PCBP3: variants seen among roughly 807,000 people sequenced by gnomAD.
PCBP3 encodes poly(rC)-binding protein 3.
In PCBP3, 25 loss-of-function variants were observed where a neutral mutation model predicts 52.7. That is an observed-to-expected ratio of 0.47 (90% CI 0.35 to 0.66). The LOEUF is 0.66. Ranked by LOEUF, PCBP3 falls within the 30% of genes least tolerant of loss-of-function variation. PCBP3 has a pLI of 0.01. For synonymous variants in PCBP3, 162 were observed against 183.0 expected (o/e 0.89, Z 0.93); for missense variants, 391 against 490.3 (o/e 0.80, Z 1.91).
chr21:45,857,616 C>G (rs1410806200), intron 5 of PCBP3, among the ~76,000 whole-genome samples: 1 of 152,190 alleles, frequency 6.6e-6, no homozygotes, highest in African/African-American at 2.4e-5. Flanking sequence ...AAGCAGAGCA[C>G]ACCTCACTAT....
At chr21:45,693,518 C>T (rs2147834085) in intron 2 of PCBP3, among the ~76,000 whole-genome samples, 2 of 152,192 alleles carry the variant, frequency 1.3e-5, no homozygotes, top group Middle Eastern at 6.8e-3. Flanking sequence ...TGTTAAAACT[C>T]ATCAAATTGT....
intron 4 of PCBP3, among the ~76,000 whole-genome samples, chr21:45,773,016 A>T (rs2089995433): frequency 6.6e-6 from 1 of 152,160 alleles, no homozygotes; most frequent in Non-Finnish European, 1.5e-5. Context: ...TTTTCTCCCT[A>T]TTCAACAGGT....
chr21:45,683,135 A>G (rs772666212), intron 2 of PCBP3, among the ~76,000 whole-genome samples: 1 of 152,150 alleles, frequency 6.6e-6, no homozygotes, highest in Non-Finnish European at 1.5e-5. Context: ...GAAGGAGGGA[A>G]CAATGACCTG....
At position 45,830,858 on chromosome 21, in the gene PCBP3, C is replaced by CGAGAGTGACG. The variant is rs2147737380; in HGVS notation, c.-125-19102_-125-19093dup. The CGAGAGTGACG allele has an allele frequency of 6.6e-6, 1 of 152,354 alleles. No homozygotes were observed. Among genetic ancestry groups the CGAGAGTGACG allele is most frequent in the South Asian group, 2.1e-4 (1 of 4,822 alleles). The allele number at this position is 152,354 out of a possible 1,614,324, so 9.4% of individuals were successfully genotyped here. Reference sequence around the variant, plus strand: ...AGGCCTTCCCAGAAAGGCGGGGAATCGAGAGTGACGTAGTCACCCTCCACC... The same window carrying CGAGAGTGACG: ...AGGCCTTCCCAGAAAGGCGGGGAATCGAGAGTGACGGAGAGTGACGTAGTCACCCTCCACC... On this transcript the variant is annotated intron_variant, in intron 4 of 17. Coordinates refer to ENST00000681687, the MANE Select transcript of PCBP3 (RefSeq NM_001384156.1). The surrounding 1 kb of genome is among the most constrained non-coding windows in gnomAD (Gnocchi z 4.4).
chr21:45,799,855 C>T (rs868609731), intron 4 of PCBP3, among the ~76,000 whole-genome samples: 1 of 152,228 alleles, frequency 6.6e-6, no homozygotes, highest in Non-Finnish European at 1.5e-5. Flanking sequence ...AAATAATGAG[C>T]TGAGAACAAG....
chr21:45,703,502 C>T (rs78874553), intron 2 of PCBP3, among the ~76,000 whole-genome samples: 3,999 of 152,264 alleles, frequency 0.026, 189 homozygotes, highest in African/African-American at 0.091. Context: ...TTGAGAGGAA[C>T]CTTTTTCTGG....
chr21:45,862,190 T>TGGGG (rs2094537477), intron 5 of PCBP3, among the ~76,000 whole-genome samples: 1 of 46,644 alleles, frequency 2.1e-5, no homozygotes, highest in Non-Finnish European at 4.2e-5. Context: ...TTGGGGCGGG[T>TGGGG]GGGGGGACAC....
chr21:45,791,661 T>C lies in PCBP3; in HGVS notation c.-126+36209T>C, dbSNP rs577679442. Among the ~76,000 whole-genome samples the C allele has an allele frequency of 2.0e-5, 3 of 152,330 alleles. No homozygotes were observed. In the South Asian group the frequency reaches 6.2e-4, roughly 32 times the overall value. On this transcript the variant is annotated intron_variant, in intron 4 of 17. Coordinates refer to ENST00000681687, the MANE Select transcript of PCBP3 (RefSeq NM_001384156.1). This position sits in a 1 kb window ranked among gnomAD's most constrained non-coding sequence, Gnocchi z 4.2. ...AGTCATAAGTTAATTTCTGTCGAAG[T>C]AGAATACAACTAAGAAAAAATTTTA...
chr21:45,913,168 G>A (rs11089030), intron 11 of PCBP3, among the ~76,000 whole-genome samples: 46,219 of 152,188 alleles, frequency 0.3, 8,513 homozygotes, highest in East Asian at 0.67. Flanking sequence ...AGGAGAAGGA[G>A]GGCAGGCTAA....
Position 45,892,398 on chromosome 21 carries a change from C to T in PCBP3, c.11-3810C>T, listed in dbSNP as rs2095689480. Among the ~76,000 whole-genome samples the T allele has an allele frequency of 1.4e-5, 2 of 148,076 alleles. 1 individual carries two copies. The highest frequency in any genetic ancestry group is 4.2e-4 in the South Asian group (2 of 4,792). Reference sequence around the variant, plus strand: ...TCGTGCAGAACAAGGAAACAGAGTGCATTAGTCCCTGGCCTGAGAAAGGGG... The same window carrying T: ...TCGTGCAGAACAAGGAAACAGAGTGTATTAGTCCCTGGCCTGAGAAAGGGG... On this transcript the variant is annotated intron_variant, in intron 5 of 17. Coordinates refer to ENST00000681687, the MANE Select transcript of PCBP3 (RefSeq NM_001384156.1).
In PCBP3 at chr21:45,706,362, C is replaced by T. The variant is rs192918418; in HGVS notation, c.-199-29030C>T. Among the ~76,000 whole-genome samples, 184 of 152,250 alleles carry T rather than the reference C, an allele frequency of 1.2e-3. 1 individual carries two copies. The highest frequency in any genetic ancestry group is 3.4e-3 in the Middle Eastern group (1 of 294). On this transcript the variant is annotated intron_variant, in intron 2 of 17. Coordinates refer to ENST00000681687, the MANE Select transcript of PCBP3 (RefSeq NM_001384156.1). The stretch of plus-strand genomic sequence containing the variant: ...CTGCCTGGATGCCCAGTCTGGCTGA[C>T]GTTACAGTATGCAGAGTCTCTTACA...
intron 2 of PCBP3, among the ~76,000 whole-genome samples, chr21:45,681,116 G>A (rs2081815055): frequency 6.6e-6 from 1 of 152,176 alleles, no homozygotes; most frequent in African/African-American, 2.4e-5. Context: ...TTATTTATTA[G>A]GGCAGAGCCC....
chr21:45,785,338 TGG>T (rs1273100314), intron 4 of PCBP3, among the ~76,000 whole-genome samples: 1 of 112,372 alleles, frequency 8.9e-6, no homozygotes, highest in African/African-American at 3.6e-5. Context: ...GGGAGGGAGG[TGG>T]GGGGGTCAGC....
Position 45,900,624 on chromosome 21 carries a change from G to A in PCBP3, c.222+1G>A. ...AACTGTGAAGAAGATGCGTGAGGAGGTGAGTGTGGTGGGTCCCCACCTGTC... is the reference window on the plus strand; with the variant it reads ...AACTGTGAAGAAGATGCGTGAGGAGATGAGTGTGGTGGGTCCCCACCTGTC... On this transcript the variant is annotated splice_donor_variant, in intron 8 of 17. Coordinates refer to ENST00000681687, the MANE Select transcript of PCBP3 (RefSeq NM_001384156.1). LOFTEE classifies it high-confidence loss of function. 6.3e-7 allele frequency: 1 copy of A among 1,580,488 alleles called. No individual in the cohort carries two copies. Among genetic ancestry groups the A allele is most frequent in the Non-Finnish European group, 8.7e-7 (1 of 1,155,894 alleles).
At position 45,800,095 on chromosome 21, in the gene PCBP3, C is replaced by A. The variant is rs938101011; in HGVS notation, c.-126+44643C>A. On this transcript the variant is annotated intron_variant, in intron 4 of 17. Transcript: ENST00000681687. This position sits in a 1 kb window ranked among gnomAD's most constrained non-coding sequence, Gnocchi z 5.3. ...CTTGTGCTGTTCTCTCTTCATGAATCATGGCCTGGCTTCCGTGCAGCTGCC... is the reference window on the plus strand; with the variant it reads ...CTTGTGCTGTTCTCTCTTCATGAATAATGGCCTGGCTTCCGTGCAGCTGCC... Among the ~76,000 whole-genome samples, 1 of 152,192 alleles carries A rather than the reference C, an allele frequency of 6.6e-6. No homozygotes were observed. Among genetic ancestry groups the A allele is most frequent in the Non-Finnish European group, 1.5e-5 (1 of 68,028 alleles).
chr21:45,797,735 G>T (rs1178567653), intron 4 of PCBP3, among the ~76,000 whole-genome samples: 4 of 137,512 alleles, frequency 2.9e-5, no homozygotes, highest in East Asian at 2.5e-4. Flanking sequence ...ATGGACGAGT[G>T]CGTGGATCCA....
At chr21:45,677,853 C>T (rs2081565492) in intron 2 of PCBP3, among the ~76,000 whole-genome samples, 1 of 152,228 alleles carries the variant, frequency 6.6e-6, no homozygotes, top group African/African-American at 2.4e-5. Flanking sequence ...TTTAAGCCTT[C>T]TCTTGAGACC....
In PCBP3 at chr21:45,736,787, G is replaced by T. The variant is rs546587413; in HGVS notation, c.-162+1358G>T. On this transcript the variant is annotated intron_variant, in intron 3 of 17. Transcript: ENST00000681687. This position sits in a 1 kb window ranked among gnomAD's most constrained non-coding sequence, Gnocchi z 4.6. ...ACAGTGTGCCTGTGATGTCCCAGGC[G>T]CACTGCCAGAATCCTGACATCCTTG... Among the ~76,000 whole-genome samples, 1 of 152,168 alleles carries T rather than the reference G, an allele frequency of 6.6e-6. No individual in the cohort carries two copies. The highest frequency in any genetic ancestry group is 2.4e-5 in the African/African-American group (1 of 41,428).
At chr21:45,780,805 A>C (rs2090581811) in intron 4 of PCBP3, among the ~76,000 whole-genome samples, 1 of 152,200 alleles carries the variant, frequency 6.6e-6, no homozygotes, top group South Asian at 2.1e-4. Context: ...AGAGAGAGAG[A>C]GAGCCAGGGA....
Sources: gnomAD v4.1 joint callset for allele counts (sites outside exome capture counted in the v4.1 genomes callset) on GRCh38, gnomAD v4.1.1 for gene constraint, Gnocchi (gnomAD v3.1) non-coding constraint, MANE v1.5 for transcripts, NCBI Gene and HGNC (gene_info 2026-07-23, HGNC 2026-07-21) for gene names.